EXPH5: variants seen among roughly 807,000 people sequenced by gnomAD.
EXPH5 encodes exophilin 5.
In EXPH5, 42 loss-of-function variants were observed where a neutral mutation model predicts 41.1. That is an observed-to-expected ratio of 1.02 (90% CI 0.80 to 1.32). The LOEUF (loss-of-function observed/expected upper bound fraction) is 1.32. Among genes scored for constraint, EXPH5 ranks in the 40% most tolerant of loss-of-function variants. The pLI is 0.00. For synonymous variants in EXPH5, 798 were observed against 833.5 expected (o/e 0.96, Z 0.73); for missense variants, 2,298 against 2,314.5 (o/e 0.99, Z 0.15).
At chr11:108,598,479 A>C (rs776810115), upstream of EXPH5, among the ~76,000 whole-genome samples, 1 of 152,200 alleles carries the variant, frequency 6.6e-6, no homozygotes, top group Non-Finnish European at 1.5e-5. Flanking sequence ...CAGATAATAC[A>C]TTAGTAAATA....
intron 2 of EXPH5, among the ~76,000 whole-genome samples, chr11:108,540,248 G>A (rs755593961): frequency 9.2e-5 from 14 of 152,118 alleles, no homozygotes; most frequent in Non-Finnish European, 1.9e-4. Flanking sequence ...GCTTGAACCC[G>A]GGAGGTAGAG....
chr11:108,524,615 AC>A (rs1339027339), intron 4 of EXPH5, among the ~76,000 whole-genome samples: 1 of 152,216 alleles, frequency 6.6e-6, no homozygotes, highest in Non-Finnish European at 1.5e-5. Flanking sequence ...GACTAGACAA[AC>A]AAACCTCTGT....
chr11:108,580,309 A>G (rs921542701), intron 1 of EXPH5, among the ~76,000 whole-genome samples: 1 of 152,218 alleles, frequency 6.6e-6, no homozygotes, highest in African/African-American at 2.4e-5. Flanking sequence ...AAGATGCTCA[A>G]CATCACTAAT....
chr11:108,544,974 TTTGA>T (rs1160292767), intron 1 of EXPH5, among the ~76,000 whole-genome samples: 3 of 152,194 alleles, frequency 2.0e-5, no homozygotes, highest in East Asian at 1.9e-4. Context: ...CTTCTTTTTG[TTTGA>T]TTGTGAATTT....
chr11:108,573,103 GAGAA>G (rs1455914154), intron 1 of EXPH5, among the ~76,000 whole-genome samples: 2 of 122,190 alleles, frequency 1.6e-5, no homozygotes, highest in Non-Finnish European at 1.7e-5. Context: ...GAAGGAAGGA[GAGAA>G]AGAAAGAAAA....
chr11:108,509,736 TC>T lies in EXPH5; in HGVS notation c.5770del (p.Asp1924MetfsTer3), dbSNP rs770996410. ...GGGGTTGGGAGGGTTCCTCAAATCA[TC>T]TTTTAGGAAGCCAGGGTTCTTAAGA... ...SFLKNPGFLK[D>X]DLRNPPNPSE... On this transcript the variant is annotated frameshift_variant, in exon 6 of 6. Transcript: ENST00000265843. LOFTEE classifies it low-confidence loss of function (END_TRUNC). 6.2e-7 allele frequency: 1 copy of T among 1,607,868 alleles called. No individual in the cohort carries two copies. Among genetic ancestry groups the T allele is most frequent in the South Asian group, 1.1e-5 (1 of 89,662 alleles).
At chr11:108,552,857 A>C (rs1036213900) in intron 1 of EXPH5, among the ~76,000 whole-genome samples, 1 of 152,100 alleles carries the variant, frequency 6.6e-6, no homozygotes, top group South Asian at 2.1e-4. Context: ...TCAAGGCTGC[A>C]GTGAGCTGAG....
intron 1 of EXPH5, among the ~76,000 whole-genome samples, chr11:108,576,516 A>G (rs1392963252): frequency 6.6e-6 from 1 of 152,168 alleles, no homozygotes; most frequent in African/African-American, 2.4e-5. Flanking sequence ...ATGAATTGTT[A>G]GCTTTAAAGT....
At chr11:108,532,090 A>G (rs1387840872) in intron 3 of EXPH5, among the ~76,000 whole-genome samples, 1 of 151,784 alleles carries the variant, frequency 6.6e-6, no homozygotes, top group Non-Finnish European at 1.5e-5. Context: ...GTGAAAGTTG[A>G]AACTTTTTTC....
intron 1 of EXPH5, among the ~76,000 whole-genome samples, chr11:108,548,420 T>C (rs926499190): frequency 9.9e-5 from 15 of 152,270 alleles, no homozygotes; most frequent in Middle Eastern, 3.4e-3. Flanking sequence ...GACAGTAGTG[T>C]CATGCAGATA....
At chr11:108,577,141 C>T (rs982427499) in intron 1 of EXPH5, among the ~76,000 whole-genome samples, 2 of 152,154 alleles carry the variant, frequency 1.3e-5, no homozygotes, top group African/African-American at 4.8e-5. Context: ...ATTCATTCAT[C>T]CATTCATGAA....
chr11:108,550,431 T>C (rs910531969), intron 1 of EXPH5, among the ~76,000 whole-genome samples: 47 of 152,144 alleles, frequency 3.1e-4, no homozygotes, highest in African/African-American at 1.1e-3. Context: ...CCAGACCAAA[T>C]GGCTAGCCCA....
intron 3 of EXPH5, among the ~76,000 whole-genome samples, chr11:108,530,901 T>G (rs1339947179): frequency 6.6e-6 from 1 of 152,072 alleles, no homozygotes; most frequent in Non-Finnish European, 1.5e-5. Flanking sequence ...TCAGCAGTTT[T>G]GGGGGCCCAG....
intron 1 of EXPH5, among the ~76,000 whole-genome samples, chr11:108,582,625 G>T (rs531058374): frequency 7.5e-4 from 115 of 152,318 alleles, no homozygotes; most frequent in Non-Finnish European, 1.3e-3. Context: ...CATGTAAGTG[G>T]ATTAGTTTTC....
Position 108,508,035 on chromosome 11 carries a change from C to T in EXPH5, c.*1502G>A, listed in dbSNP as rs1036088134. On this transcript the variant is annotated 3_prime_UTR_variant, in exon 6 of 6. Transcript: ENST00000265843. ...AAAAAAAAAAAAAAAAAAAATTAGC[C>T]AGGTGTGGTGGTGGGTGCCTGTAGT... 1 of 129,102 alleles carries T rather than the reference C, an allele frequency of 7.7e-6. No individual in the cohort carries two copies. Among genetic ancestry groups the T allele is most frequent in the African/African-American group, 3.0e-5 (1 of 33,024 alleles). 8.0% of individuals were successfully genotyped at this position (129,102 alleles called of 1,614,324 possible).
chr11:108,588,389 G>A (rs948280393), intron 1 of EXPH5, among the ~76,000 whole-genome samples: 1 of 152,144 alleles, frequency 6.6e-6, no homozygotes, highest in African/African-American at 2.4e-5. Context: ...TCCCAGTCCT[G>A]GTTCTGTTAT....
chr11:108,599,023 G>A, the EXPH5 span, among the ~76,000 whole-genome samples: 5 of 442 alleles, frequency 0.011, no homozygotes, highest in Non-Finnish European at 0.075. Context: ...TAAGCCCTCC[G>A]GAAAAAGAGA....
At position 108,572,075 on chromosome 11, in the gene EXPH5, A is replaced by T. The variant is rs139536420; in HGVS notation, c.119+21343T>A. On this transcript the variant is annotated intron_variant, in intron 1 of 5. Coordinates refer to ENST00000265843, the MANE Select transcript of EXPH5 (RefSeq NM_015065.3). ...CAAAAAAAAAAAAGGCATTGAACAT[A>T]ACTGCTCAGTTTGAGCCAATGTGAG... Among the ~76,000 whole-genome samples the T allele has an allele frequency of 1.0e-3, 158 of 151,632 alleles. 1 individual carries two copies. Among genetic ancestry groups the T allele is most frequent in the African/African-American group, 3.7e-3 (154 of 41,416 alleles).
rs774472819 is a variant in EXPH5 at position 108,512,296 on chromosome 11, TAA to T, written c.3209_3210del (p.Phe1070Ter). ...DAMGNYMLNKFSPSSPESANE... is the reference protein window; with the variant it reads ...DAMGNYMLNKXSPSSPESANE... ...TTCGCTGACTCAGGAGAACTGGGAC[TAA>T]ATTTGTTTAACATATAGTTCCCCAT... On this transcript the variant is annotated frameshift_variant, in exon 6 of 6. Transcript: ENST00000265843. LOFTEE classifies it low-confidence loss of function (END_TRUNC). 1 of 1,613,828 alleles carries T rather than the reference TAA, an allele frequency of 6.2e-7. No individual in the cohort carries two copies. Among genetic ancestry groups the T allele is most frequent in the African/African-American group, 1.3e-5 (1 of 75,020 alleles).
Sources: gnomAD v4.1 joint callset for allele counts (sites outside exome capture counted in the v4.1 genomes callset) on GRCh38, gnomAD v4.1.1 for gene constraint, MANE v1.5 for transcripts, NCBI Gene and HGNC (gene_info 2026-07-23, HGNC 2026-07-21) for gene names.